The following MBP variants were observed in gnomAD, a reference collection of about 807,000 sequenced individuals.
The protein encoded by MBP is myelin basic protein, also known as Golli-MBP.
MBP carries 16 observed loss-of-function variants against 35.8 expected under a neutral mutation model. That is an observed-to-expected ratio of 0.45 (90% CI 0.30 to 0.68). The LOEUF (loss-of-function observed/expected upper bound fraction) is 0.68, where lower values mean the gene tolerates loss of function less well. MBP is among the 30% of genes least tolerant of loss of function. The probability of loss-of-function intolerance (pLI) is 0.08; values close to 1 mark genes in which losing one functional copy is unlikely to be tolerated. For synonymous variants in MBP, 143 were observed against 159.6 expected, an observed-to-expected ratio of 0.90 and a Z score of 0.78; for missense variants, 380 against 404.7, an observed-to-expected ratio of 0.94 and a Z score of 0.52.
chr18:76,997,013 G>A (rs1970307178), intron 4 of MBP, among the ~76,000 whole-genome samples: 1 of 152,054 alleles, frequency 6.6e-6, no homozygotes. Context: ...TCCGCCTCGG[G>A]GCTCCTACTG....
Position 76,989,054 on chromosome 18 carries a change from C to G in MBP, c.682-142G>C, listed in dbSNP as rs1969741907. Reference sequence around the variant, plus strand: ...GGTGCCCAGCCTCCCCACTTCTGTCCTAGTTGGTGAAGAAGTATAGACCTG... The same window carrying G: ...GGTGCCCAGCCTCCCCACTTCTGTCGTAGTTGGTGAAGAAGTATAGACCTG... On this transcript the variant is annotated intron_variant, in intron 5 of 8. Coordinates refer to ENST00000355994, the MANE Select transcript of MBP (RefSeq NM_001025101.2). The surrounding 1 kb of genome is among the most constrained non-coding windows in gnomAD (Gnocchi z 4.0). 1 of 784,916 alleles carries G rather than the reference C, an allele frequency of 1.3e-6. No individual in the cohort carries two copies. Among genetic ancestry groups the G allele is most frequent in the South Asian group, 1.3e-5 (1 of 74,270 alleles). 48.6% of individuals were successfully genotyped at this position (784,916 alleles called of 1,614,324 possible). A position where few individuals can be genotyped will look rare whatever the true frequency, so the allele number is the denominator to read the frequency against.
rs1969093572 is a variant in MBP at position 76,980,094 on chromosome 18, A to G, written c.*333T>C. The G allele has an allele frequency of 1.4e-6, 1 of 696,666 alleles. No individual in the cohort carries two copies. Among genetic ancestry groups the G allele is most frequent in the South Asian group, 1.5e-5 (1 of 66,690 alleles). 43.2% of individuals were successfully genotyped at this position (696,666 alleles called of 1,614,324 possible). On this transcript the variant is annotated 3_prime_UTR_variant, in exon 9 of 9. Transcript: ENST00000355994. ...GGTGCCGCAGCCACGGCGAAAAGAAAGTCCAAGGGTGGAGGGGTGAACGTG... is the reference window on the plus strand; with the variant it reads ...GGTGCCGCAGCCACGGCGAAAAGAAGGTCCAAGGGTGGAGGGGTGAACGTG...
intron 3 of MBP, among the ~76,000 whole-genome samples, chr18:77,053,696 C>T (rs1045606590): frequency 6.6e-6 from 1 of 152,216 alleles, no homozygotes; most frequent in Non-Finnish European, 1.5e-5. Context: ...TTATGTGGAA[C>T]ACTGCCATGT....
At position 76,988,836 on chromosome 18, in the gene MBP, T is replaced by C; in HGVS notation, c.717+41A>G. The C allele has an allele frequency of 6.3e-7, 1 of 1,590,498 alleles. No homozygotes were observed. The highest frequency in any genetic ancestry group is 8.6e-7 in the Non-Finnish European group (1 of 1,164,036). On this transcript the variant is annotated intron_variant, in intron 6 of 8. Transcript: ENST00000355994. This position sits in a 1 kb window ranked among gnomAD's most constrained non-coding sequence, Gnocchi z 5.2. ...ATTATGGGATTTTAGAGAAGGTCTATCAGAAAAGTGATGATCAATCAAAAC... is the reference window on the plus strand; with the variant it reads ...ATTATGGGATTTTAGAGAAGGTCTACCAGAAAAGTGATGATCAATCAAAAC...
chr18:77,111,092 G>A (rs1976436557), intron 1 of MBP, among the ~76,000 whole-genome samples: 1 of 152,210 alleles, frequency 6.6e-6, no homozygotes, highest in African/African-American at 2.4e-5. Context: ...GGTTCTCAGC[G>A]CCTGTTCAGA....
At chr18:77,048,069 C>T (rs1268110793) in intron 3 of MBP, among the ~76,000 whole-genome samples, 1 of 152,194 alleles carries the variant, frequency 6.6e-6, no homozygotes, top group Non-Finnish European at 1.5e-5. Context: ...CTTAAATGAG[C>T]TAAGTGTCTG....
chr18:77,001,625 T>C (rs1386038612), intron 4 of MBP, among the ~76,000 whole-genome samples: 1 of 151,984 alleles, frequency 6.6e-6, no homozygotes, highest in Non-Finnish European at 1.5e-5. Flanking sequence ...CCAAGGCGGG[T>C]GGATCACCTG....
At chr18:77,093,626 T>C (rs1320523704) in intron 2 of MBP, among the ~76,000 whole-genome samples, 1 of 152,160 alleles carries the variant, frequency 6.6e-6, no homozygotes, top group Non-Finnish European at 1.5e-5. Flanking sequence ...TTCGTGAATC[T>C]CCTCCAGAAG....
At chr18:77,070,642 T>A (rs1974401009) in intron 2 of MBP, among the ~76,000 whole-genome samples, 1 of 152,234 alleles carries the variant, frequency 6.6e-6, no homozygotes. Flanking sequence ...CTACCCAGCC[T>A]TGACCTCTAA....
chr18:76,985,410 G>T (rs1969492565), intron 7 of MBP: 1 of 1,217,360 alleles, frequency 8.2e-7, no homozygotes, highest in Non-Finnish European at 1.0e-6. Flanking sequence ...GGTCACATGT[G>T]CCCTGTGGTT....
At chr18:77,119,792 G>A (rs1322719876) in intron 1 of MBP, among the ~76,000 whole-genome samples, 3 of 152,200 alleles carry the variant, frequency 2.0e-5, no homozygotes, top group Non-Finnish European at 2.9e-5. Context: ...GCTTGGCACC[G>A]AAGTTGGGGT....
At chr18:76,994,530 A>C (rs2030695915) in intron 4 of MBP, among the ~76,000 whole-genome samples, 2 of 152,232 alleles carry the variant, frequency 1.3e-5, no homozygotes, top group Admixed American at 1.3e-4. Flanking sequence ...AATGCTTCAC[A>C]TGTGAATTAT....
intron 1 of MBP, among the ~76,000 whole-genome samples, chr18:77,121,433 T>C (rs1198394538): frequency 1.3e-5 from 2 of 152,274 alleles, no homozygotes; most frequent in African/African-American, 4.8e-5. Context: ...GCTTTAACCC[T>C]GGCATTTCAC....
chr18:77,069,000 A>G, intron 2 of MBP: 1 of 484,468 alleles, frequency 2.1e-6, no homozygotes, highest in Non-Finnish European at 4.1e-6. Flanking sequence ...CCTCACCCCC[A>G]TGGCTTCCAG....
At chr18:77,016,154 T>A in intron 4 of MBP, 4 of 567,052 alleles carry the variant, frequency 7.1e-6, no homozygotes, top group Non-Finnish European at 7.9e-6. Context: ...CATAGCAGAG[T>A]TTTTTTTTTT....
chr18:76,996,131 C>T (rs1488294682), intron 4 of MBP, among the ~76,000 whole-genome samples: 2 of 152,050 alleles, frequency 1.3e-5, no homozygotes, highest in Non-Finnish European at 2.9e-5. Flanking sequence ...AAATCAAAAC[C>T]GCGAGGGGAT....
chr18:77,121,601 G>A (rs985588892), intron 1 of MBP, among the ~76,000 whole-genome samples: 2 of 152,096 alleles, frequency 1.3e-5, no homozygotes, highest in African/African-American at 2.4e-5. Context: ...AATATGTCTC[G>A]GCATATGAAA....
At position 77,028,005 on chromosome 18, in the gene MBP, T is replaced by TA. The variant is rs1555716703; in HGVS notation, c.140-10738_140-10737insT. On this transcript the variant is annotated intron_variant, in intron 3 of 8. Transcript: ENST00000355994. ...ATTTTTATTTATTTATTTATTTATT[T>TA]TTTTATTGATCATTCTTGGGTGTTT... 5.1e-3 allele frequency among the ~76,000 whole-genome samples: 769 copies of TA among 150,982 alleles called. 1 individual carries two copies. Among genetic ancestry groups the TA allele is most frequent in the Non-Finnish European group, 6.8e-3 (461 of 67,780 alleles).
At chr18:77,048,922 TTTTA>T (rs954017069) in intron 3 of MBP, among the ~76,000 whole-genome samples, 5 of 151,734 alleles carry the variant, frequency 3.3e-5, no homozygotes, top group African/African-American at 7.3e-5. Context: ...TTTTTTTTAA[TTTTA>T]TTTATTTTTT....
Sources: gnomAD v4.1 joint callset for allele counts (sites outside exome capture counted in the v4.1 genomes callset) on GRCh38, gnomAD v4.1.1 for gene constraint, Gnocchi (gnomAD v3.1) non-coding constraint, MANE v1.5 for transcripts, NCBI Gene and HGNC (gene_info 2026-07-23, HGNC 2026-07-21) for gene names.